The following PDE4D variants were observed in gnomAD, a reference collection of about 807,000 sequenced individuals.
The protein encoded by PDE4D is 3',5'-cyclic-AMP phosphodiesterase 4D.
A neutral mutation model predicts 87.4 loss-of-function variants in PDE4D; 24 were observed. The observed-to-expected ratio is 0.27, with a 90% CI of 0.20 to 0.39. PDE4D has a LOEUF of 0.39. Ranked by LOEUF, PDE4D falls within the 10% of genes least tolerant of loss-of-function variation. The pLI is 1.00. For missense variants in PDE4D, 714 were observed against 1,041.0 expected, an observed-to-expected ratio of 0.69 and a Z score of 4.32; for synonymous variants, 384 against 383.2, an observed-to-expected ratio of 1.00 and a Z score of -0.02.
At chr5:60,517,320 C>A (rs1750845961) in intron 1 of PDE4D, among the ~76,000 whole-genome samples, 1 of 152,214 alleles carries the variant, frequency 6.6e-6, no homozygotes, top group Admixed American at 6.5e-5. Flanking sequence ...AGGTTGATGG[C>A]AGCGGGAGGC....
chr5:59,430,188 C>T, intron 1 of PDE4D: 1 of 1,045,438 alleles, frequency 9.6e-7, no homozygotes, highest in East Asian at 3.3e-5. Context: ...TAAAAACTAA[C>T]TTCTCACCCT....
intron 1 of PDE4D, among the ~76,000 whole-genome samples, chr5:60,457,755 C>G (rs1016944946): frequency 6.6e-6 from 1 of 152,084 alleles, no homozygotes; most frequent in African/African-American, 2.4e-5. Context: ...TTAACTCTTC[C>G]GAGTCTCAAT....
intron 6 of PDE4D, among the ~76,000 whole-genome samples, chr5:59,018,603 T>G (rs1754499180): frequency 6.6e-6 from 1 of 152,160 alleles, no homozygotes; most frequent in Admixed American, 6.5e-5. Context: ...CACCTTCCCC[T>G]AACAGCTAGG....
intron 5 of PDE4D, among the ~76,000 whole-genome samples, chr5:59,150,606 A>G (rs1022789107): frequency 6.6e-5 from 10 of 152,090 alleles, no homozygotes; most frequent in African/African-American, 2.4e-4. Context: ...CACATGGAAG[A>G]CTCTCAAAAA....
intron 1 of PDE4D, among the ~76,000 whole-genome samples, chr5:59,807,477 C>T (rs1405660923): frequency 6.6e-6 from 1 of 152,104 alleles, no homozygotes; most frequent in Non-Finnish European, 1.5e-5. Flanking sequence ...TGGGCCAAAA[C>T]GCAGGCACCT....
At chr5:60,017,443 C>T (rs1765632520) in intron 2 of PDE4D, among the ~76,000 whole-genome samples, 1 of 152,084 alleles carries the variant, frequency 6.6e-6, no homozygotes, top group South Asian at 2.1e-4. Flanking sequence ...TGATGCTCTC[C>T]CTCCCCTAGC....
chr5:59,969,413 A>T lies in PDE4D; in HGVS notation c.272+19075T>A, dbSNP rs563650073. On this transcript the variant is annotated intron_variant, in intron 3 of 16. Transcript: ENST00000502484. ...AAAGCTGTGAATATAATTGAATAGA[A>T]TATATTAAGGTTGAAAGAAGATGCC... 4.6e-5 allele frequency among the ~76,000 whole-genome samples: 7 copies of T among 152,296 alleles called. No individual in the cohort carries two copies. The East Asian group carries it at 1.2e-3, about 25-fold the overall frequency.
intron 1 of PDE4D, among the ~76,000 whole-genome samples, chr5:59,884,309 CAT>C (rs149869527): frequency 0.06 from 9,193 of 151,986 alleles, 322 homozygotes; most frequent in Middle Eastern, 0.16. Flanking sequence ...TATACACACA[CAT>C]ACCACACATA....
At chr5:59,368,720 G>A (rs1562044935) in intron 1 of PDE4D, among the ~76,000 whole-genome samples, 1 of 152,110 alleles carries the variant, frequency 6.6e-6, no homozygotes, top group Non-Finnish European at 1.5e-5. Flanking sequence ...AAACAGGAGA[G>A]AAAATGATTT....
chr5:59,520,731 A>C (rs1248901101), intron 1 of PDE4D, among the ~76,000 whole-genome samples: 1 of 152,240 alleles, frequency 6.6e-6, no homozygotes. Flanking sequence ...GCTAGGATTT[A>C]CTACATAACT....
chr5:59,956,967 C>T (rs1178003515), intron 3 of PDE4D, among the ~76,000 whole-genome samples: 1 of 152,112 alleles, frequency 6.6e-6, no homozygotes, highest in Non-Finnish European at 1.5e-5. Flanking sequence ...ATAACATTTA[C>T]ATAACATAAA....
chr5:60,411,512 A>G (rs1252032261), intron 1 of PDE4D, among the ~76,000 whole-genome samples: 1 of 152,220 alleles, frequency 6.6e-6, no homozygotes, highest in Non-Finnish European at 1.5e-5. Context: ...CAATTATTAT[A>G]TAAAACCAAG....
At chr5:59,236,202 G>T (rs529041983) in intron 1 of PDE4D, among the ~76,000 whole-genome samples, 1 of 152,212 alleles carries the variant, frequency 6.6e-6, no homozygotes, top group South Asian at 2.1e-4. Flanking sequence ...TGATGGGCAG[G>T]AATGTATTTA....
intron 1 of PDE4D, among the ~76,000 whole-genome samples, chr5:59,815,275 A>C (rs1261145472): frequency 6.6e-6 from 1 of 152,236 alleles, no homozygotes; most frequent in African/African-American, 2.4e-5. Flanking sequence ...ACTATTTCAT[A>C]GTTGATTTTA....
intron 2 of PDE4D, among the ~76,000 whole-genome samples, chr5:60,057,734 T>G (rs957850744): frequency 2.0e-5 from 3 of 152,004 alleles, no homozygotes; most frequent in African/African-American, 7.2e-5. Context: ...AACATGCTGT[T>G]AATGTAGAGT....
chr5:59,379,732 G>T (rs543909436), intron 1 of PDE4D, among the ~76,000 whole-genome samples: 4 of 151,918 alleles, frequency 2.6e-5, no homozygotes, highest in African/African-American at 9.7e-5. Flanking sequence ...GTATTTTTAC[G>T]GTGAATATCT....
intron 1 of PDE4D, among the ~76,000 whole-genome samples, chr5:59,687,012 A>G (rs1749982708): frequency 6.6e-6 from 1 of 152,172 alleles, no homozygotes; most frequent in Non-Finnish European, 1.5e-5. Flanking sequence ...TTAGCAACAA[A>G]ATATTAAAGA....
intron 1 of PDE4D, among the ~76,000 whole-genome samples, chr5:59,225,993 A>C (rs1753700179): frequency 6.6e-6 from 1 of 152,036 alleles, no homozygotes; most frequent in Non-Finnish European, 1.5e-5. Context: ...CCATTATTAA[A>C]AAAAAAAACC....
intron 1 of PDE4D, among the ~76,000 whole-genome samples, chr5:59,524,368 C>A (rs991524716): frequency 6.6e-6 from 1 of 152,134 alleles, no homozygotes; most frequent in Non-Finnish European, 1.5e-5. Context: ...TTGTTAGAAA[C>A]TGGAGTAAAG....
Sources: allele counts gnomAD v4.1 joint callset (sites outside exome capture counted in the v4.1 genomes callset), GRCh38; gene constraint gnomAD v4.1.1; transcripts MANE v1.5; gene names NCBI Gene and HGNC (gene_info 2026-07-23, HGNC 2026-07-21).